SH3GL2: variants seen among roughly 807,000 people sequenced by gnomAD.
SH3GL2 encodes the protein endophilin-A1.
Under a neutral mutation model 46.0 loss-of-function variants are expected in SH3GL2, and 24 were observed. The observed-to-expected ratio is 0.52, with a 90% CI of 0.38 to 0.73. The LOEUF is 0.73. Among genes scored for constraint, SH3GL2 ranks in the 30% least tolerant of loss-of-function variants. The pLI, the probability that SH3GL2 is intolerant of heterozygous loss-of-function variation, is 0.00. For missense variants in SH3GL2, 413 were observed against 424.2 expected (o/e 0.97, Z 0.23); for synonymous variants, 196 against 147.1 (o/e 1.33, Z -2.40).
rs148681241 is a variant in SH3GL2 at position 17,658,354 on chromosome 9, G to A, written c.45+79067G>A. Among the ~76,000 whole-genome samples the A allele has an allele frequency of 1.7e-3, 258 of 152,218 alleles. 1 individual carries two copies. Among genetic ancestry groups the A allele is most frequent in the Middle Eastern group, 0.014 (4 of 294 alleles). ...TAGCAAATTATACTGCTTCCTGTTC[G>A]TTTGATTTCTTCCAGGGACATATTT... On this transcript the variant is annotated intron_variant, in intron 1 of 8. Coordinates refer to ENST00000380607, the MANE Select transcript of SH3GL2 (RefSeq NM_003026.5).
intron 1 of SH3GL2, among the ~76,000 whole-genome samples, chr9:17,622,315 C>G (rs1009883549): frequency 1.3e-5 from 2 of 152,154 alleles, no homozygotes; most frequent in Non-Finnish European, 2.9e-5. Context: ...AATAAGCCAT[C>G]TGCAGTGTCT....
intron 1 of SH3GL2, among the ~76,000 whole-genome samples, chr9:17,659,259 C>CT (rs2117871925): frequency 6.6e-6 from 1 of 152,246 alleles, no homozygotes; most frequent in South Asian, 2.1e-4. Flanking sequence ...TCAGACAAAG[C>CT]TTTGGTTCCC....
At position 17,779,379 on chromosome 9, in the gene SH3GL2, A is replaced by G. The variant is rs545706198; in HGVS notation, c.188-7002A>G. ...CACAGGAAATTTGACGGAATGGGAAAGAGAATGGGTTTGGGAGTGGCTCAG... is the reference window on the plus strand; with the variant it reads ...CACAGGAAATTTGACGGAATGGGAAGGAGAATGGGTTTGGGAGTGGCTCAG... On this transcript the variant is annotated intron_variant, in intron 3 of 8. Coordinates refer to ENST00000380607, the MANE Select transcript of SH3GL2 (RefSeq NM_003026.5). Among the ~76,000 whole-genome samples the G allele has an allele frequency of 8.1e-4, 124 of 152,292 alleles. 1 individual carries two copies. Among genetic ancestry groups the G allele is most frequent in the African/African-American group, 2.6e-3 (107 of 41,580 alleles).
At chr9:17,630,765 G>A (rs1054578178) in intron 1 of SH3GL2, among the ~76,000 whole-genome samples, 3 of 152,084 alleles carry the variant, frequency 2.0e-5, no homozygotes, top group Admixed American at 6.6e-5. Context: ...GTAGCCTTTC[G>A]AGTCTCCAAA....
chr9:17,685,822 C>G (rs1037852322), intron 1 of SH3GL2, among the ~76,000 whole-genome samples: 16 of 152,016 alleles, frequency 1.1e-4, no homozygotes, highest in African/African-American at 3.6e-4. Flanking sequence ...TGTTTTGGTA[C>G]CAGTACCATG....
intron 2 of SH3GL2, among the ~76,000 whole-genome samples, chr9:17,759,296 G>C (rs1326525910): frequency 2.0e-5 from 3 of 152,174 alleles, no homozygotes; most frequent in Admixed American, 2.0e-4. Flanking sequence ...CAGACTTTGA[G>C]AAGTTTCAAA....
At chr9:17,727,803 C>T (rs185755995) in intron 1 of SH3GL2, among the ~76,000 whole-genome samples, 1 of 152,186 alleles carries the variant, frequency 6.6e-6, no homozygotes, top group Admixed American at 6.5e-5. Flanking sequence ...CAGAACATGC[C>T]CTTTACTGAC....
chr9:17,774,038 A>G (rs931637261), intron 3 of SH3GL2, among the ~76,000 whole-genome samples: 2 of 151,936 alleles, frequency 1.3e-5, no homozygotes, highest in African/African-American at 4.8e-5. Flanking sequence ...ATTCCTGAGT[A>G]TTTTATTCTT....
intron 2 of SH3GL2, among the ~76,000 whole-genome samples, chr9:17,759,584 G>C (rs1412087793): frequency 6.6e-6 from 1 of 152,136 alleles, no homozygotes; most frequent in Non-Finnish European, 1.5e-5. Flanking sequence ...ACATTACAGA[G>C]TTTGTGAGCA....
At chr9:17,713,207 A>T (rs1409058550) in intron 1 of SH3GL2, among the ~76,000 whole-genome samples, 2 of 151,420 alleles carry the variant, frequency 1.3e-5, no homozygotes, top group African/African-American at 4.8e-5. Flanking sequence ...TATTCCTCGG[A>T]TAAACTCCAC....
intron 1 of SH3GL2, among the ~76,000 whole-genome samples, chr9:17,655,731 C>G (rs1367232443): frequency 6.6e-6 from 1 of 152,206 alleles, no homozygotes; most frequent in Non-Finnish European, 1.5e-5. Flanking sequence ...CTCTGGCCTT[C>G]TAGCCCCGTG....
At chr9:17,771,772 TC>T (rs34231779) in intron 3 of SH3GL2, among the ~76,000 whole-genome samples, 1 of 152,120 alleles carries the variant, frequency 6.6e-6, no homozygotes, top group African/African-American at 2.4e-5. Flanking sequence ...TTAATATCCC[TC>T]CCTGCTGTTT....
chr9:17,710,542 A>C (rs894266155), intron 1 of SH3GL2, among the ~76,000 whole-genome samples: 4 of 151,968 alleles, frequency 2.6e-5, no homozygotes, highest in Non-Finnish European at 5.9e-5. Flanking sequence ...CAGGAATTCT[A>C]CTTCTAGATG....
chr9:17,732,457 T>C (rs1471384341), intron 1 of SH3GL2, among the ~76,000 whole-genome samples: 1 of 152,154 alleles, frequency 6.6e-6, no homozygotes, highest in Non-Finnish European at 1.5e-5. Flanking sequence ...CTGGAGCATA[T>C]ATCAGGCCTA....
intron 1 of SH3GL2, chr9:17,653,770 G>C (rs77484701): frequency 2.7e-6 from 1 of 373,328 alleles, no homozygotes; most frequent in Non-Finnish European, 3.7e-6. Flanking sequence ...CCTGAAGGGT[G>C]AAAGCAGTTC....
At chr9:17,722,715 T>G (rs1191998965) in intron 1 of SH3GL2, among the ~76,000 whole-genome samples, 2 of 152,076 alleles carry the variant, frequency 1.3e-5, no homozygotes. Flanking sequence ...TCTGGATCAC[T>G]TCCCTTCAGC....
At chr9:17,605,238 C>T (rs1193855445) in intron 1 of SH3GL2, among the ~76,000 whole-genome samples, 1 of 152,146 alleles carries the variant, frequency 6.6e-6, no homozygotes, top group African/African-American at 2.4e-5. Context: ...CTTGGCCTCC[C>T]AAACTACTGG....
At chr9:17,790,503 C>G (rs1040799996) in intron 6 of SH3GL2, 1 of 661,316 alleles carries the variant, frequency 1.5e-6, no homozygotes, top group Non-Finnish European at 1.9e-6. Context: ...TTGTGTCCAC[C>G]TAACTCCTCG....
At chr9:17,718,901 A>C (rs1273645933) in intron 1 of SH3GL2, among the ~76,000 whole-genome samples, 2 of 151,958 alleles carry the variant, frequency 1.3e-5, no homozygotes, top group Admixed American at 1.3e-4. Flanking sequence ...AGGAGAATCG[A>C]TTTTCCTTCT....
Sources: gnomAD v4.1 joint callset for allele counts (sites outside exome capture counted in the v4.1 genomes callset) on GRCh38, gnomAD v4.1.1 for gene constraint, MANE v1.5 for transcripts, NCBI Gene and HGNC (gene_info 2026-07-23, HGNC 2026-07-21) for gene names.